The following SLAMF9 variants were observed in gnomAD, a reference collection of about 807,000 sequenced individuals.
The protein encoded by SLAMF9 is SLAM family member 9.
Under a neutral mutation model 30.4 loss-of-function variants are expected in SLAMF9, and 25 were observed. That is an observed-to-expected ratio of 0.82 (90% confidence interval 0.60 to 1.15). The LOEUF (loss-of-function observed/expected upper bound fraction) is 1.15, where lower values mean the gene tolerates loss of function less well. SLAMF9 is among the 50% of genes most tolerant of loss of function. The probability of loss-of-function intolerance (pLI) is 0.00; values close to 1 mark genes in which losing one functional copy is unlikely to be tolerated. For synonymous variants in SLAMF9, 129 were observed against 127.2 expected, an observed-to-expected ratio of 1.01 and a Z score of -0.09; for missense variants, 344 against 346.1, an observed-to-expected ratio of 0.99 and a Z score of 0.05.
At chr1:159,980,219 C>T in the SLAMF9 span, among the ~76,000 whole-genome samples, 5 of 152,192 alleles carry the variant, frequency 3.3e-5, no homozygotes, top group African/African-American at 9.7e-5. Context: ...AGGCACCTCC[C>T]CACGGTGGGC....
Position 159,953,444 on chromosome 1 carries a change from C to T in SLAMF9, c.256G>A (p.Val86Met), listed in dbSNP as rs34540580. Residue 86 changes from valine to methionine, a missense_variant, in exon 2 of 4, where the codon GTG becomes ATG. By Grantham distance (21) the Val-to-Met change is conservative (BLOSUM62 1). Coordinates refer to ENST00000368093, the MANE Select transcript of SLAMF9 (RefSeq NM_033438.4). ...MVTNPHYQGQ[V>M]SFLDPSYSLH... ...GAATAGCTGGGGTCCAGGAAGCTCA[C>T]TTGGCCCTGGTAGTGTGGATTGGTC... is the stretch of plus-strand genomic sequence containing the variant. 4.3e-3 allele frequency: 6,912 copies of T among 1,614,212 alleles called. 263 individuals are homozygous for T. In the African/African-American group the frequency reaches 0.08, roughly 19 times the overall value.
chr1:159,959,152 G>C (rs1474807949), upstream of SLAMF9, among the ~76,000 whole-genome samples: 1 of 152,158 alleles, frequency 6.6e-6, no homozygotes, highest in African/African-American at 2.4e-5. Context: ...GGAGGATGGA[G>C]AGGTTGGGGA....
At chr1:159,955,895 A>G (rs1374305678), upstream of SLAMF9, among the ~76,000 whole-genome samples, 1 of 152,256 alleles carries the variant, frequency 6.6e-6, no homozygotes, top group East Asian at 1.9e-4. Flanking sequence ...CTGAGGGATT[A>G]GAATTTTTTC....
chr1:159,973,005 C>T, the SLAMF9 span: 1 of 1,413,072 alleles, frequency 7.1e-7, no homozygotes. Context: ...ACCCTGCACT[C>T]TGACCTCCAG....
At chr1:159,978,295 G>A in the SLAMF9 span, among the ~76,000 whole-genome samples, 1 of 152,132 alleles carries the variant, frequency 6.6e-6, no homozygotes, top group Non-Finnish European at 1.5e-5. Context: ...GGGCAGGCGA[G>A]GGGAACTTCA....
At chr1:159,979,849 T>C in the SLAMF9 span, among the ~76,000 whole-genome samples, 2 of 152,104 alleles carry the variant, frequency 1.3e-5, no homozygotes, top group Non-Finnish European at 2.9e-5. Context: ...AGAAGGGAGA[T>C]AGCCCATCCT....
chr1:159,959,566 G>A, the SLAMF9 span, among the ~76,000 whole-genome samples: 367 of 152,100 alleles, frequency 2.4e-3, 1 homozygote, highest in African/African-American at 8.1e-3. Context: ...GCCCATTACC[G>A]GTTTTAACTC....
At chr1:159,970,739 A>T in the SLAMF9 span, among the ~76,000 whole-genome samples, 4 of 152,222 alleles carry the variant, frequency 2.6e-5, no homozygotes, top group Non-Finnish European at 5.9e-5. Context: ...GAAAGAATAC[A>T]GTCTACACAG....
Position 159,953,526 on chromosome 1 carries a change from G to T in SLAMF9, c.174C>A (p.His58Gln). Residue 58 changes from histidine to glutamine, a missense_variant, in exon 2 of 4, where the codon CAC becomes CAA. His to Gln is a conservative substitution (Grantham distance 24, BLOSUM62 0). Transcript: ENST00000368093. ...CTGGCACCACAGTGGCAAGACTTTT[G>T]TGAGAGGACCAGATGATGTTCTCAA... ...EEVENIIWSS[H>Q]KSLATVVPGK... The T allele has an allele frequency of 6.2e-7, 1 of 1,614,220 alleles. No individual in the cohort carries two copies. Among genetic ancestry groups the T allele is most frequent in the African/African-American group, 1.3e-5 (1 of 75,064 alleles).
the SLAMF9 span, among the ~76,000 whole-genome samples, chr1:159,967,725 A>G: frequency 6.6e-6 from 1 of 152,172 alleles, no homozygotes; most frequent in Admixed American, 6.5e-5. Context: ...AACTTTTCCA[A>G]TCCATGAACA....
the SLAMF9 span, among the ~76,000 whole-genome samples, chr1:159,981,465 C>A: frequency 6.6e-6 from 1 of 152,338 alleles, no homozygotes; most frequent in East Asian, 1.9e-4. Flanking sequence ...CGGAGGACAA[C>A]TTCTGGCCCC....
chr1:159,952,175 C>T (rs1240314268), intron 3 of SLAMF9, 87 bp downstream of exon 3: 1 of 1,488,414 alleles, frequency 6.7e-7, no homozygotes, highest in Non-Finnish European at 9.2e-7. Context: ...ATTCCCTGGG[C>T]TCTCTTGGGA....
chr1:159,955,125 C>CAG (rs1651895847), upstream of SLAMF9, among the ~76,000 whole-genome samples: 1 of 151,110 alleles, frequency 6.6e-6, no homozygotes, highest in Non-Finnish European at 1.5e-5. Context: ...GTAGTTTGAT[C>CAG]AGAGAGTTGA....
the SLAMF9 span, among the ~76,000 whole-genome samples, chr1:159,975,781 T>C: frequency 6.6e-6 from 1 of 152,136 alleles, no homozygotes; most frequent in African/African-American, 2.4e-5. Flanking sequence ...TCTATAAGAC[T>C]TGATGATACA....
chr1:159,959,964 C>T, the SLAMF9 span, among the ~76,000 whole-genome samples: 1 of 152,038 alleles, frequency 6.6e-6, no homozygotes, highest in Non-Finnish European at 1.5e-5. Context: ...TTGTAGCAGA[C>T]ACTTAGGGTT....
At chr1:159,955,977 T>A (rs1002593625), upstream of SLAMF9, among the ~76,000 whole-genome samples, 11 of 152,216 alleles carry the variant, frequency 7.2e-5, no homozygotes, top group Admixed American at 2.6e-4. Context: ...CAAATAAAAT[T>A]AGATCCAGCA....
chr1:159,952,139 C>T, intron 3 of SLAMF9, 123 bp downstream of exon 3: 1 of 1,175,822 alleles, frequency 8.5e-7, no homozygotes, highest in Non-Finnish European at 1.2e-6. Flanking sequence ...GGTGTCAAGC[C>T]TCCATGGGAG....
the SLAMF9 span, among the ~76,000 whole-genome samples, chr1:159,973,469 C>T: frequency 6.6e-6 from 1 of 152,172 alleles, no homozygotes; most frequent in Admixed American, 6.5e-5. Context: ...ACAGCCAGAC[C>T]CTTCTGGAAT....
the SLAMF9 span, chr1:159,983,513 G>GT: frequency 6.6e-6 from 1 of 152,070 alleles, no homozygotes; most frequent in East Asian, 1.9e-4. Flanking sequence ...TTTTGTTTTT[G>GT]TTTTGTTTTG....
Sources: allele counts gnomAD v4.1 joint callset (sites outside exome capture counted in the v4.1 genomes callset), GRCh38; gene constraint gnomAD v4.1.1; transcripts MANE v1.5; gene names NCBI Gene and HGNC (gene_info 2026-07-23, HGNC 2026-07-21).